Variants in PSPC1 observed in about 807,000 individuals in gnomAD.
PSPC1 encodes paraspeckle protein 1.
In PSPC1, 14 loss-of-function variants were observed where a neutral mutation model predicts 51.6. The observed-to-expected ratio is 0.27, with a 90% CI of 0.18 to 0.42. PSPC1 has a LOEUF of 0.42. PSPC1 is among the 10% of genes least tolerant of loss of function. PSPC1 has a pLI of 1.00. For synonymous variants in PSPC1, 193 were observed against 231.9 expected (o/e 0.83, Z 1.53); for missense variants, 406 against 701.1 (o/e 0.58, Z 4.75).
intron 2 of PSPC1, among the ~76,000 whole-genome samples, chr13:19,769,198 C>A (rs1478541109): frequency 6.6e-6 from 1 of 150,990 alleles, no homozygotes; most frequent in African/African-American, 2.5e-5. Flanking sequence ...CGCCTGTAAT[C>A]TCAGCACTTT....
intron 5 of PSPC1, among the ~76,000 whole-genome samples, chr13:19,736,460 G>A (rs1412236324): frequency 6.6e-6 from 1 of 151,984 alleles, no homozygotes; most frequent in Admixed American, 6.6e-5. Context: ...GAGGCGGGCG[G>A]ATCACAAGGT....
At chr13:19,673,054 CAAAA>C (rs752838814), downstream of PSPC1, 13 of 395,274 alleles carry the variant, frequency 3.3e-5, no homozygotes, top group African/African-American at 2.0e-4. Flanking sequence ...GACCTTGTCT[CAAAA>C]AAAAAAAAAA....
Position 19,709,495 on chromosome 13 carries a change from C to A in PSPC1, c.1216+47G>T, listed in dbSNP as rs751133574. 3.5e-6 allele frequency: 5 copies of A among 1,413,646 alleles called. No homozygotes were observed. In the South Asian group the frequency reaches 3.7e-5, roughly 10 times the overall value. 87.6% of individuals were successfully genotyped at this position (1,413,646 alleles called of 1,614,324 possible). A position where few individuals can be genotyped will look rare whatever the true frequency, so the allele number is the denominator to read the frequency against. On this transcript the variant is annotated intron_variant, in intron 7 of 8. Transcript: ENST00000338910. ...GATACCACAAACAGCATAAACAGTCCCCCCAAAAATGATAAATTACAAAAG... is the reference window on the plus strand; with the variant it reads ...GATACCACAAACAGCATAAACAGTCACCCCAAAAATGATAAATTACAAAAG...
In PSPC1 at chr13:19,782,746, T is replaced by C. The variant is rs760966112; in HGVS notation, c.12A>G (p.Arg4=). MML[R]GNLKQVRIEK... ...CAATGCGCACTTGCTTCAGGTTTCC[T>C]CTTAACATCATCTTACTGAGTTCGC... The change falls in exon 1 of 9, where the codon AGA becomes AGG. Residue 4 remains arginine, a synonymous_variant. Coordinates refer to ENST00000338910, the MANE Select transcript of PSPC1 (RefSeq NM_001354909.2). This position sits in a 1 kb window ranked among gnomAD's most constrained non-coding sequence, Gnocchi z 4.5. The C allele has an allele frequency of 1.9e-5, 30 of 1,559,896 alleles. No individual in the cohort carries two copies. The East Asian group carries it at 7.4e-4, about 38-fold the overall frequency.
intron 5 of PSPC1, among the ~76,000 whole-genome samples, chr13:19,736,784 G>A (rs1170395154): frequency 1.3e-5 from 2 of 152,276 alleles, no homozygotes; most frequent in East Asian, 3.9e-4. Flanking sequence ...TGCCTCACGA[G>A]CTTCCCCTAA....
chr13:19,735,169 A>G (rs1007904453), intron 5 of PSPC1, among the ~76,000 whole-genome samples: 39 of 151,234 alleles, frequency 2.6e-4, no homozygotes, highest in African/African-American at 9.5e-4. Flanking sequence ...AAAATTAGCC[A>G]GGCAGGGTGG....
At chr13:19,690,061 C>T (rs2137638779) in intron 6 of PSPC1, among the ~76,000 whole-genome samples, 1 of 152,280 alleles carries the variant, frequency 6.6e-6, no homozygotes. Context: ...AAGACCAAGT[C>T]TCAAACTATT....
chr13:19,773,843 G>C (rs773897686), intron 1 of PSPC1, among the ~76,000 whole-genome samples: 1 of 151,848 alleles, frequency 6.6e-6, no homozygotes, highest in Non-Finnish European at 1.5e-5. Flanking sequence ...TGTAGAGATG[G>C]GGGGGTCTCA....
intron 6 of PSPC1, among the ~76,000 whole-genome samples, chr13:19,712,968 A>G (rs552141119): frequency 6.6e-5 from 10 of 152,176 alleles, no homozygotes; most frequent in Non-Finnish European, 8.8e-5. Flanking sequence ...AGTAAAATGC[A>G]AAAGAGGTAG....
chr13:19,750,364 G>A (rs896012541), intron 4 of PSPC1, among the ~76,000 whole-genome samples: 5 of 151,700 alleles, frequency 3.3e-5, no homozygotes, highest in Non-Finnish European at 5.9e-5. Context: ...CCCAGGTGGT[G>A]GAGGCTGCAG....
Position 19,782,404 on chromosome 13 carries a change from G to T in PSPC1, c.354C>A (p.Gly118=). 1.9e-6 allele frequency: 3 copies of T among 1,591,762 alleles called. No individual in the cohort carries two copies. Among genetic ancestry groups the T allele is most frequent in the Non-Finnish European group, 1.7e-6 (2 of 1,168,960 alleles). ...CACTCACCAAGCGGATGAAGCCGAAGCCACGGTCCCGGTTGATGAAGACTT... is the reference window on the plus strand; with the variant it reads ...CACTCACCAAGCGGATGAAGCCGAATCCACGGTCCCGGTTGATGAAGACTT... ...PSEVFINRDR[G]FGFIRLESRT... The change falls in exon 1 of 9, where the codon GGC becomes GGA. Residue 118 remains glycine (G), a synonymous_variant. Transcript: ENST00000338910. This position sits in a 1 kb window ranked among gnomAD's most constrained non-coding sequence, Gnocchi z 4.5.
chr13:19,693,480 C>T (rs1190656410), intron 6 of PSPC1, among the ~76,000 whole-genome samples: 1 of 152,120 alleles, frequency 6.6e-6, no homozygotes, highest in Non-Finnish European at 1.5e-5. Flanking sequence ...AAATATCTAA[C>T]AAGGACTTGC....
intron 3 of PSPC1, among the ~76,000 whole-genome samples, chr13:19,754,309 C>T (rs1160113581): frequency 6.6e-6 from 1 of 151,892 alleles, no homozygotes; most frequent in Admixed American, 6.6e-5. Context: ...TGGTCTCCAA[C>T]TCCTGATCTC....
intron 6 of PSPC1, among the ~76,000 whole-genome samples, chr13:19,716,239 T>C (rs7332967): frequency 0.68 from 104,031 of 152,002 alleles, 38,234 homozygotes; most frequent in East Asian, 0.89. Context: ...TCAACACGTA[T>C]ATTTTGTGGG....
intron 2 of PSPC1, among the ~76,000 whole-genome samples, chr13:19,767,090 C>T (rs1888147590): frequency 6.6e-6 from 1 of 151,850 alleles, no homozygotes; most frequent in African/African-American, 2.4e-5. Context: ...AGGCACATCA[C>T]CTAAGGCCAA....
intron 6 of PSPC1, among the ~76,000 whole-genome samples, chr13:19,687,699 C>T (rs1317990672): frequency 1.2e-5 from 1 of 83,002 alleles, no homozygotes; most frequent in African/African-American, 4.3e-5. Flanking sequence ...AATCACTCCA[C>T]GTCTTGATTT....
At chr13:19,769,781 TAAA>T (rs762292852) in intron 2 of PSPC1, among the ~76,000 whole-genome samples, 9 of 151,894 alleles carry the variant, frequency 5.9e-5, no homozygotes, top group Non-Finnish European at 1.0e-4. Flanking sequence ...AAATAAAAAA[TAAA>T]AACACCAAGT....
At chr13:19,746,501 G>A (rs370458443) in intron 4 of PSPC1, among the ~76,000 whole-genome samples, 10 of 152,224 alleles carry the variant, frequency 6.6e-5, no homozygotes, top group African/African-American at 2.2e-4. Context: ...GAGGCGGGCA[G>A]ATCACTTGAG....
intron 6 of PSPC1, among the ~76,000 whole-genome samples, chr13:19,687,733 A>T (rs1465533767): frequency 6.6e-6 from 1 of 151,720 alleles, no homozygotes; most frequent in African/African-American, 2.4e-5. Context: ...CCATCCCACT[A>T]TCCCACATAT....
Sources: gnomAD v4.1 joint callset for allele counts (sites outside exome capture counted in the v4.1 genomes callset) on GRCh38, gnomAD v4.1.1 for gene constraint, Gnocchi (gnomAD v3.1) non-coding constraint, MANE v1.5 for transcripts, NCBI Gene and HGNC (gene_info 2026-07-23, HGNC 2026-07-21) for gene names.